GRM4: variants seen among roughly 807,000 people sequenced by gnomAD.
The protein encoded by GRM4 is glutamate metabotropic receptor 4, also known as metabotropic glutamate receptor 4.
GRM4 carries 28 observed loss-of-function variants against 81.7 expected under a neutral mutation model. The ratio of observed to expected loss-of-function variants is 0.34; its 90% CI spans 0.25 to 0.47. The LOEUF is 0.47. Among genes scored for constraint, GRM4 ranks in the 20% least tolerant of loss-of-function variants. GRM4 has a pLI of 1.00. For synonymous variants in GRM4, 488 were observed against 528.8 expected (o/e 0.92, Z 1.06); for missense variants, 948 against 1,290.0 (o/e 0.73, Z 4.06).
At chr6:34,046,435 G>T (rs1043953994) in intron 6 of GRM4, among the ~76,000 whole-genome samples, 4 of 152,234 alleles carry the variant, frequency 2.6e-5, no homozygotes, top group African/African-American at 9.6e-5. Flanking sequence ...GAGGAGTTGA[G>T]AGCAAGGGTT....
chr6:34,134,445 C>A (rs3756927), intron 1 of GRM4, among the ~76,000 whole-genome samples: 1 of 151,944 alleles, frequency 6.6e-6, no homozygotes, highest in Non-Finnish European at 1.5e-5. Flanking sequence ...CATCCTGGAA[C>A]GCAGTGGTGT....
At chr6:34,057,903 G>T (rs1488495573) in intron 5 of GRM4, among the ~76,000 whole-genome samples, 3 of 152,164 alleles carry the variant, frequency 2.0e-5, no homozygotes, top group Non-Finnish European at 4.4e-5. Flanking sequence ...AGCAGTTATT[G>T]TTATGTTGTG....
chr6:34,057,196 G>A (rs1161215790), intron 5 of GRM4, among the ~76,000 whole-genome samples: 3 of 152,156 alleles, frequency 2.0e-5, no homozygotes, highest in Admixed American at 6.5e-5. Context: ...CATGCTCTGC[G>A]TGGCTCACAC....
intron 2 of GRM4, among the ~76,000 whole-genome samples, chr6:34,126,400 C>T (rs1442189482): frequency 1.3e-5 from 2 of 152,142 alleles, no homozygotes; most frequent in Non-Finnish European, 1.5e-5. Flanking sequence ...AGAGAGGGTC[C>T]CTCGTTCAGC....
intron 2 of GRM4, among the ~76,000 whole-genome samples, chr6:34,097,549 C>T (rs1768600685): frequency 6.6e-6 from 1 of 152,204 alleles, no homozygotes; most frequent in African/African-American, 2.4e-5. Context: ...ACAACCAGCC[C>T]AGGCATGCTG....
intron 3 of GRM4, among the ~76,000 whole-genome samples, chr6:34,086,755 C>T (rs1048535708): frequency 1.3e-5 from 2 of 152,238 alleles, no homozygotes; most frequent in Non-Finnish European, 2.9e-5. Context: ...CTTAACCTCT[C>T]TGAGCCTCTG....
chr6:34,049,352 A>T (rs1158760529), intron 6 of GRM4, among the ~76,000 whole-genome samples: 1 of 152,028 alleles, frequency 6.6e-6, no homozygotes, highest in Non-Finnish European at 1.5e-5. Flanking sequence ...CCGGGACACC[A>T]CGCTCTGGGC....
At chr6:34,027,427 C>T (rs1764184714) in intron 10 of GRM4, among the ~76,000 whole-genome samples, 1 of 152,120 alleles carries the variant, frequency 6.6e-6, no homozygotes, top group South Asian at 2.1e-4. Context: ...CACCACAAAG[C>T]ATGACCCTTT....
In GRM4 at chr6:34,070,039, G is replaced by C. The variant is rs1012837359; in HGVS notation, c.737-8011C>G. Among the ~76,000 whole-genome samples, 3 of 152,192 alleles carry C rather than the reference G, an allele frequency of 2.0e-5. No individual in the cohort carries two copies. The highest frequency in any genetic ancestry group is 4.4e-5 in the Non-Finnish European group (3 of 68,004). The stretch of plus-strand genomic sequence containing the variant: ...CGAATGGAGAACTGAGTTCCTGACT[G>C]ACGGGGTTTTGAAGGGACAGCTCGG... On this transcript the variant is annotated intron_variant, in intron 3 of 10. Transcript: ENST00000538487. The surrounding 1 kb of genome is among the most constrained non-coding windows in gnomAD (Gnocchi z 4.6).
At chr6:34,067,668 T>A (rs1766557430) in intron 3 of GRM4, among the ~76,000 whole-genome samples, 1 of 151,676 alleles carries the variant, frequency 6.6e-6, no homozygotes, top group Non-Finnish European at 1.5e-5. Context: ...CCTGGTATAG[T>A]CAGTCCCTAA....
At position 34,074,130 on chromosome 6, in the gene GRM4, G is replaced by A. The variant is rs1767182392; in HGVS notation, c.737-12102C>T. 6.6e-6 allele frequency among the ~76,000 whole-genome samples: 1 copy of A among 152,110 alleles called. No individual in the cohort carries two copies. The highest frequency in any genetic ancestry group is 1.5e-5 in the Non-Finnish European group (1 of 68,016). ...TCTCGAGGTGCAGGGGCGCCGATGG[G>A]GAAGAAGAGGGGGACACAGACATAC... On this transcript the variant is annotated intron_variant, in intron 3 of 10. Transcript: ENST00000538487. This position sits in a 1 kb window ranked among gnomAD's most constrained non-coding sequence, Gnocchi z 4.9.
In GRM4 at chr6:34,155,260, C is replaced by A. The variant is rs780623697; in HGVS notation, c.131G>T (p.Arg44Leu). 65 of 1,534,150 alleles carry A rather than the reference C, an allele frequency of 4.2e-5. 2 individuals are homozygous for A. The South Asian group carries it at 7.5e-4, about 18-fold the overall frequency. ...AAATCCAAAGGACCTGGGCGGGAGGCGGCAGGTGAGGTTTCCTTGGTGGGA... is the reference window on the plus strand; with the variant it reads ...AAATCCAAAGGACCTGGGCGGGAGGAGGCAGGTGAGGTTTCCTTGGTGGGA... Residue 44 changes from arginine (R) to leucine (L), a missense_variant, in exon 1 of 9, where the codon CGC becomes CTC. Physicochemically the swap from Arg to Leu is moderately radical, Grantham distance 102 (BLOSUM62 -2). Transcript: ENST00000374177.
At chr6:34,058,906 A>C in intron 5 of GRM4, 68 bp downstream of exon 5, 2 of 1,250,888 alleles carry the variant, frequency 1.6e-6, no homozygotes, top group Non-Finnish European at 2.3e-6. Context: ...AGGGGAAGGA[A>C]GCCGAGGAGG....
At chr6:34,126,409 G>C (rs2451335) in intron 2 of GRM4, among the ~76,000 whole-genome samples, 96,015 of 151,908 alleles carry the variant, frequency 0.63, 30,580 homozygotes, top group Admixed American at 0.7. Context: ...CCCTCGTTCA[G>C]CCCCCACCCC....
chr6:34,148,654 G>A (rs142681030), upstream of GRM4, among the ~76,000 whole-genome samples: 257 of 152,336 alleles, frequency 1.7e-3, no homozygotes, highest in Admixed American at 3.6e-3. Flanking sequence ...AAGAGTTGGG[G>A]TGAGGGGAAG....
intron 3 of GRM4, among the ~76,000 whole-genome samples, chr6:34,082,363 C>T (rs891839186): frequency 6.6e-6 from 1 of 152,206 alleles, no homozygotes; most frequent in African/African-American, 2.4e-5. Context: ...CCCACTGGGC[C>T]CAAGAACAAG....
chr6:34,106,949 A>G (rs777475233), intron 2 of GRM4, among the ~76,000 whole-genome samples: 19 of 152,242 alleles, frequency 1.2e-4, no homozygotes, highest in Non-Finnish European at 2.5e-4. Flanking sequence ...AGAATCTGGA[A>G]ACTCCTGGCC....
chr6:34,138,009 G>A (rs565975030), intron 1 of GRM4, among the ~76,000 whole-genome samples: 9 of 152,098 alleles, frequency 5.9e-5, no homozygotes, highest in African/African-American at 1.9e-4. Context: ...AACAACAACC[G>A]GATCCGAAGA....
At chr6:34,081,512 G>A (rs1027868039) in intron 3 of GRM4, among the ~76,000 whole-genome samples, 1 of 152,238 alleles carries the variant, frequency 6.6e-6, no homozygotes, top group Non-Finnish European at 1.5e-5. Context: ...AGAAATGTCC[G>A]CATGCACCAT....
Sources: gnomAD v4.1 joint callset for allele counts (sites outside exome capture counted in the v4.1 genomes callset) on GRCh38, gnomAD v4.1.1 for gene constraint, Gnocchi (gnomAD v3.1) non-coding constraint, MANE v1.5 for transcripts, NCBI Gene and HGNC (gene_info 2026-07-23, HGNC 2026-07-21) for gene names.